Variants in ITGB8 observed in about 807,000 individuals in gnomAD.
ITGB8 encodes integrin subunit beta 8.
In ITGB8, 30 loss-of-function variants were observed where a neutral mutation model predicts 89.5. That is an observed-to-expected ratio of 0.34 (90% CI 0.25 to 0.45). The LOEUF is 0.45. Among genes scored for constraint, ITGB8 ranks in the 20% least tolerant of loss-of-function variants. ITGB8 has a pLI of 1.00. For missense variants in ITGB8, 836 were observed against 933.3 expected, an observed-to-expected ratio of 0.90 and a Z score of 1.36; for synonymous variants, 335 against 320.4, an observed-to-expected ratio of 1.05 and a Z score of -0.49.
At chr7:20,384,754 G>A (rs984578345) in intron 6 of ITGB8, among the ~76,000 whole-genome samples, 4 of 152,140 alleles carry the variant, frequency 2.6e-5, no homozygotes, top group Non-Finnish European at 5.9e-5. Context: ...TTGTCTTTCT[G>A]GTTGCAGTCT....
intron 3 of ITGB8, among the ~76,000 whole-genome samples, chr7:20,370,598 TA>T (rs199839001): frequency 8.2e-5 from 7 of 85,818 alleles, no homozygotes; most frequent in South Asian, 3.8e-4. Context: ...TTTATTTACT[TA>T]TTTATTATTA....
chr7:20,406,292 T>G lies in ITGB8; in HGVS notation c.2023+121T>G, dbSNP rs1787540713. ...TGGGCCGGGTGTGGTGGCTCACACCTGTAATCCCAGCATTTTGGGAGGCCA... is the reference window on the plus strand; with the variant it reads ...TGGGCCGGGTGTGGTGGCTCACACCGGTAATCCCAGCATTTTGGGAGGCCA... On this transcript the variant is annotated intron_variant, in intron 12 of 13. Coordinates refer to ENST00000222573, the MANE Select transcript of ITGB8 (RefSeq NM_002214.3). 6.2e-6 allele frequency: 4 copies of G among 644,922 alleles called. No homozygotes were observed. The South Asian group carries it at 7.3e-5, about 12-fold the overall frequency. The allele number at this position is 644,922 out of a possible 1,614,324, so 39.9% of individuals were successfully genotyped here.
At position 20,341,471 on chromosome 7, in the gene ITGB8, T is replaced by G. The variant is rs1346877003; in HGVS notation, c.127+9538T>G. On this transcript the variant is annotated intron_variant, in intron 1 of 13. Coordinates refer to ENST00000222573, the MANE Select transcript of ITGB8 (RefSeq NM_002214.3). ...ACGTATATAATCAGAGAGCCTGACG[T>G]CAGGTTGATACTGAAAATATGAGAA... Among the ~76,000 whole-genome samples, 3 of 152,184 alleles carry G rather than the reference T, an allele frequency of 2.0e-5. No individual in the cohort carries two copies. In the East Asian group the frequency reaches 5.8e-4, roughly 29 times the overall value.
chr7:20,352,680 C>G (rs1409312689), intron 1 of ITGB8: 2 of 152,208 alleles, frequency 1.3e-5, no homozygotes, highest in African/African-American at 4.8e-5. Flanking sequence ...TTCTCTTTCT[C>G]CTTTCACATT....
intron 3 of ITGB8, 92 bp from the exon 4 acceptor site, chr7:20,378,959 T>G (rs1429043367): frequency 1.2e-6 from 1 of 859,652 alleles, no homozygotes. Flanking sequence ...GTGATGATTG[T>G]GCTAGGTGCT....
intron 7 of ITGB8, among the ~76,000 whole-genome samples, chr7:20,392,733 T>A (rs1786914958): frequency 2.6e-5 from 4 of 152,240 alleles, no homozygotes; most frequent in Admixed American, 1.3e-4. Flanking sequence ...TGTATACACA[T>A]TATTTAGCTC....
At chr7:20,375,596 G>A (rs1786108419) in intron 3 of ITGB8, among the ~76,000 whole-genome samples, 1 of 152,074 alleles carries the variant, frequency 6.6e-6, no homozygotes, top group South Asian at 2.1e-4. Flanking sequence ...TTCTGAGACT[G>A]GCAAAGAAAG....
intron 2 of ITGB8, among the ~76,000 whole-genome samples, chr7:20,364,270 C>G (rs1232205683): frequency 6.6e-6 from 1 of 152,096 alleles, no homozygotes; most frequent in Non-Finnish European, 1.5e-5. Flanking sequence ...ATCTGCTAAT[C>G]TGGGGTTTCT....
rs760919892 is a variant in ITGB8, at chr7:20,401,838, T to C, written c.1399T>C (p.Cys467Arg). 3.7e-6 allele frequency: 6 copies of C among 1,613,896 alleles called. No individual in the cohort carries two copies. In the African/African-American group the frequency reaches 8.0e-5, roughly 22 times the overall value. The change falls in exon 10 of 14, where the codon TGC becomes CGC. Residue 467 changes from cysteine (C) to arginine (R), a missense_variant. By Grantham distance (180) the Cys-to-Arg change is radical (BLOSUM62 -3). Transcript: ENST00000222573. ...CGCTAAAATTCATATACACAGAAAC[T>C]GCAGCTGTCAGTGTGAGGACAACAG... The part of the protein sequence containing the change: ...ETAKIHIHRN[C>R]SCQCEDNRGP...
chr7:20,398,670 G>A (rs992791521), intron 8 of ITGB8, among the ~76,000 whole-genome samples, 190 bp from the exon 9 acceptor site: 1 of 152,064 alleles, frequency 6.6e-6, no homozygotes, highest in Non-Finnish European at 1.5e-5. Context: ...TAATCCTTCA[G>A]TATTTCTTAT....
chr7:20,364,830 C>T (rs1273937549), intron 2 of ITGB8: 1 of 152,204 alleles, frequency 6.6e-6, no homozygotes, highest in Non-Finnish European at 1.5e-5. Context: ...TGTCTGCTTC[C>T]AGGTTTTTCT....
intron 1 of ITGB8, among the ~76,000 whole-genome samples, chr7:20,362,629 C>T (rs1267072212): frequency 6.6e-6 from 1 of 152,140 alleles, no homozygotes; most frequent in African/African-American, 2.4e-5. Context: ...TATGTCTCTT[C>T]TCTTCTTGTC....
chr7:20,395,693 T>A (rs1787045519), intron 8 of ITGB8, among the ~76,000 whole-genome samples: 1 of 152,230 alleles, frequency 6.6e-6, no homozygotes, highest in African/African-American at 2.4e-5. Context: ...ATCCAGTCAC[T>A]TTACATACAT....
rs868022064 is a variant in ITGB8, at chr7:20,409,761, G to C, written c.2170G>C (p.Val724Leu). 6.2e-7 allele frequency: 1 copy of C among 1,612,876 alleles called. No individual in the cohort carries two copies. Among genetic ancestry groups the C allele is most frequent in the Non-Finnish European group, 8.5e-7 (1 of 1,179,492 alleles). ...AATTAAGTCCTCATCAGATTACAGA[G>C]TGTCAGCCTCAAAAAAGGTCAGTGA... ...NKIKSSSDYR[V>L]SASKKDKLIL... Residue 724 changes from valine to leucine, a missense_variant, in exon 13 of 14, where the codon GTG (valine) becomes CTG (leucine). By Grantham distance (32) the Val-to-Leu change is conservative. Coordinates refer to ENST00000222573, the MANE Select transcript of ITGB8 (RefSeq NM_002214.3).
intron 9 of ITGB8, among the ~76,000 whole-genome samples, chr7:20,400,304 C>G (rs1383072829): frequency 6.6e-6 from 1 of 151,940 alleles, no homozygotes; most frequent in African/African-American, 2.4e-5. Context: ...GTCATATGAC[C>G]TCTTAATTAT....
At chr7:20,391,302 T>G (rs1414794580) in intron 6 of ITGB8, 101 bp from the exon 7 acceptor site, 3 of 513,716 alleles carry the variant, frequency 5.8e-6, no homozygotes, top group Non-Finnish European at 1.0e-5. Flanking sequence ...CCTTCCCAGG[T>G]ACATTTTTAT....
At chr7:20,365,733 C>G (rs1785669699) in intron 2 of ITGB8, 1 of 152,212 alleles carries the variant, frequency 6.6e-6, no homozygotes, top group Non-Finnish European at 1.5e-5. Context: ...ATGCCATTAA[C>G]AGGAGCTGTC....
chr7:20,385,211 A>G (rs1786558533), intron 6 of ITGB8, among the ~76,000 whole-genome samples: 2 of 152,238 alleles, frequency 1.3e-5, no homozygotes, highest in South Asian at 4.1e-4. Context: ...AAGAAGACCA[A>G]GGAACAAGTA....
Position 20,380,667 on chromosome 7 carries a change from G to T in ITGB8, c.637G>T (p.Asp213Tyr). 6.2e-7 allele frequency: 1 copy of T among 1,611,832 alleles called. No individual in the cohort carries two copies. The highest frequency in any genetic ancestry group is 1.1e-5 in the South Asian group (1 of 90,800). ...TACACTTCTTCTTTTCCCACACAGT[G>T]ACTACAATTTAGACTGCATGCCTCC... ...HPERIHNQCS[D>Y]YNLDCMPPHG... is the part of the protein sequence containing the mutation. Residue 213 changes from aspartate (D) to tyrosine (Y), a missense_variant and splice_region_variant, in exon 5 of 14, where the codon GAC becomes TAC. Physicochemically the swap from Asp to Tyr is radical, Grantham distance 160. Transcript: ENST00000222573.
Sources: allele counts gnomAD v4.1 joint callset (sites outside exome capture counted in the v4.1 genomes callset), GRCh38; gene constraint gnomAD v4.1.1; transcripts MANE v1.5; gene names NCBI Gene and HGNC (gene_info 2026-07-23, HGNC 2026-07-21).